Variants in TTC7A observed in about 807,000 individuals in gnomAD.
TTC7A encodes the protein tetratricopeptide repeat protein 7A.
TTC7A carries 110 observed loss-of-function variants against 103.7 expected under a neutral mutation model. The observed-to-expected ratio is 1.06, with a 90% confidence interval of 0.91 to 1.24. TTC7A has a LOEUF of 1.24. Ranked by LOEUF, TTC7A falls within the 50% of genes most tolerant of loss-of-function variation. The probability of loss-of-function intolerance (pLI) is 0.00; values close to 1 mark genes in which losing one functional copy is unlikely to be tolerated. For missense variants in TTC7A, 1,340 were observed against 1,116.3 expected (o/e 1.20, Z -2.86); for synonymous variants, 521 against 467.9 (o/e 1.11, Z -1.47).
At chr2:47,072,320 CAG>C (rs1684812840) in intron 19 of TTC7A, among the ~76,000 whole-genome samples, 1 of 152,186 alleles carries the variant, frequency 6.6e-6, no homozygotes, top group African/African-American at 2.4e-5. Flanking sequence ...CCAGGGCTGA[CAG>C]AGGCGCTGTG....
rs1676841569 is a variant in TTC7A, at chr2:47,001,845, G to A, written c.1066-4077G>A. On this transcript the variant is annotated intron_variant, in intron 8 of 19. Transcript: ENST00000319190. Reference sequence around the variant, plus strand: ...CTGCTCTCCAACCTGGGCAACAAGAGCGAGACTCTGTCTCAAAAAAAAAAA... The same window carrying A: ...CTGCTCTCCAACCTGGGCAACAAGAACGAGACTCTGTCTCAAAAAAAAAAA... Among the ~76,000 whole-genome samples, 3 of 144,376 alleles carry A rather than the reference G, an allele frequency of 2.1e-5. No homozygotes were observed. In the South Asian group the frequency reaches 6.6e-4, roughly 32 times the overall value. The allele number at this position is 144,376 out of a possible 152,430, so 94.7% of individuals were successfully genotyped here. A position where few individuals can be genotyped will look rare whatever the true frequency, so the allele number is the denominator to read the frequency against.
intron 15 of TTC7A, among the ~76,000 whole-genome samples, chr2:47,039,389 C>A (rs1467928933): frequency 2.0e-5 from 3 of 152,194 alleles, no homozygotes; most frequent in African/African-American, 7.2e-5. Flanking sequence ...CCAACTTCCC[C>A]CACCAGCAAG....
chr2:47,001,590 C>G (rs1676810593), intron 8 of TTC7A, among the ~76,000 whole-genome samples: 1 of 152,204 alleles, frequency 6.6e-6, no homozygotes, highest in South Asian at 2.1e-4. Context: ...GGAGCGGTGG[C>G]TCACGCCTGT....
intron 5 of TTC7A, among the ~76,000 whole-genome samples, chr2:46,988,493 G>A (rs1000572115): frequency 9.2e-5 from 14 of 152,194 alleles, no homozygotes; most frequent in African/African-American, 1.2e-4. Flanking sequence ...CCTGGAATGC[G>A]GACATCTGGC....
Position 46,987,819 on chromosome 2 carries a change from T to C in TTC7A, c.765-5631T>C, listed in dbSNP as rs1207604140. On this transcript the variant is annotated intron_variant, in intron 5 of 19. Coordinates refer to ENST00000319190, the MANE Select transcript of TTC7A (RefSeq NM_020458.4). ...CTGTCCCTTTCCGCGCGTGTGTGTG[T>C]GTGTGTGTGTGTGTGTGTGTGTGTT... Among the ~76,000 whole-genome samples the C allele has an allele frequency of 2.7e-3, 370 of 138,960 alleles. 2 individuals are homozygous for C. The highest frequency in any genetic ancestry group is 0.014 in the Middle Eastern group (4 of 280). The allele number at this position is 138,960 out of a possible 152,430, so 91.2% of individuals were successfully genotyped here.
chr2:46,957,297 T>A lies in TTC7A; in HGVS notation c.517+290T>A, dbSNP rs568227783. Among the ~76,000 whole-genome samples, 10 of 152,360 alleles carry A rather than the reference T, an allele frequency of 6.6e-5. No homozygotes were observed. In the South Asian group the frequency reaches 2.1e-3, roughly 32 times the overall value. ...ACCTCCTTTGGCCTCAGTTTACTTG[T>A]TTGGAAGATACGGTTGTAATACCTG... On this transcript the variant is annotated intron_variant, in intron 3 of 19. Transcript: ENST00000319190.
At chr2:46,921,638 C>T (rs964466246) in intron 2 of TTC7A, among the ~76,000 whole-genome samples, 2 of 152,204 alleles carry the variant, frequency 1.3e-5, no homozygotes, top group East Asian at 1.9e-4. Context: ...AAAAAAGGAT[C>T]TGTAAGACAG....
At chr2:47,068,181 TGAA>T (rs1296505197) in intron 19 of TTC7A, 1 of 152,110 alleles carries the variant, frequency 6.6e-6, no homozygotes, top group Non-Finnish European at 1.5e-5. Context: ...TTTTCTGACT[TGAA>T]GGAGGAAGGA....
At chr2:46,922,510 G>A (rs1405640055) in intron 2 of TTC7A, among the ~76,000 whole-genome samples, 1 of 151,682 alleles carries the variant, frequency 6.6e-6, no homozygotes, top group Non-Finnish European at 1.5e-5. Flanking sequence ...TGCGGGCAGA[G>A]TGTAATTATA....
At chr2:46,937,964 G>A (rs899293337), upstream of TTC7A, among the ~76,000 whole-genome samples, 1 of 152,148 alleles carries the variant, frequency 6.6e-6, no homozygotes, top group Non-Finnish European at 1.5e-5. The surrounding 1 kb of genome is among the most constrained non-coding windows in gnomAD (Gnocchi z 4.0). Flanking sequence ...GGAGACTTCA[G>A]GGCTAGGTCC....
intron 3 of TTC7A, among the ~76,000 whole-genome samples, chr2:46,964,513 TC>T (rs892780536): frequency 1.6e-4 from 24 of 152,126 alleles, no homozygotes; most frequent in African/African-American, 5.8e-4. Flanking sequence ...CACAGCCTGT[TC>T]CCCCTCAAAT....
intron 18 of TTC7A, among the ~76,000 whole-genome samples, chr2:47,052,597 C>T (rs909293256): frequency 1.3e-5 from 2 of 152,082 alleles, no homozygotes; most frequent in East Asian, 1.9e-4. Flanking sequence ...GGGAGGGACT[C>T]GCTGCCAAGA....
At chr2:47,036,252 C>T (rs1028370873) in intron 15 of TTC7A, among the ~76,000 whole-genome samples, 2 of 152,162 alleles carry the variant, frequency 1.3e-5, no homozygotes, top group Non-Finnish European at 2.9e-5. Context: ...GGGCCCTTCA[C>T]CAGGTCAGGG....
chr2:46,944,374 G>GTTTTTTTTTTTTTTT (rs34191565), intron 1 of TTC7A, among the ~76,000 whole-genome samples: 1 of 88,942 alleles, frequency 1.1e-5, no homozygotes, highest in Non-Finnish European at 2.0e-5. Context: ...GGTATTTTGG[G>GTTTTTTTTTTTTTTT]TTTTTTTTTT....
At chr2:47,035,460 G>C (rs1681006663) in intron 15 of TTC7A, 1 of 152,246 alleles carries the variant, frequency 6.6e-6, no homozygotes, top group Non-Finnish European at 1.5e-5. Flanking sequence ...CATTAGCTAA[G>C]CTGAGTTGAC....
At position 46,942,529 on chromosome 2, in the gene TTC7A, G is replaced by C. The variant is rs1377661173; in HGVS notation, c.184+804G>C. On this transcript the variant is annotated intron_variant, in intron 1 of 19. Coordinates refer to ENST00000319190, the MANE Select transcript of TTC7A (RefSeq NM_020458.4). ...GCTCAGCCTGTTGAAGGCTCTGAGA[G>C]GGACAGATCGTGATAGTAATAGTAA... Among the ~76,000 whole-genome samples the C allele has an allele frequency of 7.9e-5, 12 of 152,334 alleles. No homozygotes were observed. In the East Asian group the frequency reaches 2.3e-3, roughly 29 times the overall value.
At chr2:47,044,982 C>G (rs990590427) in intron 15 of TTC7A, among the ~76,000 whole-genome samples, 1 of 152,228 alleles carries the variant, frequency 6.6e-6, no homozygotes, top group Non-Finnish European at 1.5e-5. Context: ...GCAGCCTTCG[C>G]AGTCTGGGTA....
intron 15 of TTC7A, among the ~76,000 whole-genome samples, chr2:47,031,097 A>G (rs1680490747): frequency 6.6e-6 from 1 of 152,166 alleles, no homozygotes; most frequent in Non-Finnish European, 1.5e-5. Flanking sequence ...CAGTGAGCCG[A>G]GATTGCGCCA....
At chr2:47,054,292 A>G (rs1020349439) in intron 18 of TTC7A, 1 of 426,704 alleles carries the variant, frequency 2.3e-6, no homozygotes, top group Non-Finnish European at 3.1e-6. Flanking sequence ...CTTGACTGGG[A>G]CAGCGACTCT....
Sources: gnomAD v4.1 joint callset for allele counts (sites outside exome capture counted in the v4.1 genomes callset) on GRCh38, gnomAD v4.1.1 for gene constraint, Gnocchi (gnomAD v3.1) non-coding constraint, MANE v1.5 for transcripts, NCBI Gene and HGNC (gene_info 2026-07-23, HGNC 2026-07-21) for gene names.